The following DSG2 variants were observed in gnomAD, a reference collection of about 807,000 sequenced individuals.
DSG2 encodes the protein desmoglein-2.
DSG2 carries 45 observed loss-of-function variants against 75.6 expected under a neutral mutation model. The observed-to-expected ratio is 0.60, with a 90% confidence interval of 0.47 to 0.76. The LOEUF (loss-of-function observed/expected upper bound fraction) is 0.76. Ranked by LOEUF, DSG2 falls within the 30% of genes least tolerant of loss-of-function variation. The probability of loss-of-function intolerance (pLI) is 0.00; values close to 1 mark genes in which losing one functional copy is unlikely to be tolerated. For missense variants in DSG2, 1,267 were observed against 1,357.4 expected (o/e 0.93, Z 1.05); for synonymous variants, 429 against 483.9 (o/e 0.89, Z 1.49).
intron 6 of DSG2, among the ~76,000 whole-genome samples, chr18:31,523,973 A>C (rs2073144878): frequency 6.6e-6 from 1 of 152,210 alleles, no homozygotes; most frequent in African/African-American, 2.4e-5. Flanking sequence ...GAAGAGAAGA[A>C]GTGACATCTG....
At chr18:31,499,588 T>C (rs933627414) in intron 1 of DSG2, among the ~76,000 whole-genome samples, 1 of 152,190 alleles carries the variant, frequency 6.6e-6, no homozygotes, top group Non-Finnish European at 1.5e-5. Context: ...TAAGACGTGA[T>C]CTGGGACGTC....
intron 9 of DSG2, among the ~76,000 whole-genome samples, chr18:31,534,072 C>T (rs2073214221): frequency 6.7e-6 from 1 of 148,862 alleles, no homozygotes; most frequent in South Asian, 2.1e-4. Context: ...CTTACTGCAA[C>T]CTCTGCCTCC....
chr18:31,546,404 G>A lies in DSG2; in HGVS notation c.3018G>A (p.Gln1006=). The A allele has an allele frequency of 6.2e-7, 1 of 1,614,152 alleles. No homozygotes were observed. The highest frequency in any genetic ancestry group is 8.5e-7 in the Non-Finnish European group (1 of 1,180,026). ...GGGSNPLEGT[Q]HLQDVPYVMV... ...GATCGAATCCTCTGGAAGGCACTCA[G>A]CATCTTCAAGATGTACCTTACGTCA... The change falls in exon 15 of 15, where the codon CAG becomes CAA. Residue 1006 remains glutamine (Q), a synonymous_variant. Coordinates refer to ENST00000261590, the MANE Select transcript of DSG2 (RefSeq NM_001943.5).
chr18:31,502,962 C>T (rs2073021604), intron 1 of DSG2, among the ~76,000 whole-genome samples: 1 of 152,174 alleles, frequency 6.6e-6, no homozygotes, highest in South Asian at 2.1e-4. Context: ...TGATGAGAAA[C>T]TATCTTCTCA....
intron 8 of DSG2, 141 bp from the exon 9 acceptor site, chr18:31,530,844 TAA>T: frequency 1.4e-6 from 1 of 733,884 alleles, no homozygotes; most frequent in Non-Finnish European, 2.2e-6. Context: ...GGTGTCAGTA[TAA>T]GAGTTGGACT....
At chr18:31,538,498 C>G (rs2073245824) in intron 11 of DSG2, among the ~76,000 whole-genome samples, 1 of 152,122 alleles carries the variant, frequency 6.6e-6, no homozygotes. Flanking sequence ...CCTAGCTTTC[C>G]TAGACCCACA....
chr18:31,518,551 T>C (rs1425806843), intron 2 of DSG2, among the ~76,000 whole-genome samples: 1 of 152,164 alleles, frequency 6.6e-6, no homozygotes, highest in African/African-American at 2.4e-5. Flanking sequence ...AAATAAGATA[T>C]ATAGTGTAAG....
chr18:31,511,547 A>G (rs1172026223), intron 1 of DSG2, among the ~76,000 whole-genome samples: 1 of 152,236 alleles, frequency 6.6e-6, no homozygotes, highest in Admixed American at 6.5e-5. Context: ...CAGTTCCACA[A>G]TTGACAAAAT....
At chr18:31,534,357 C>G (rs1040133431) in intron 9 of DSG2, among the ~76,000 whole-genome samples, 23 of 152,254 alleles carry the variant, frequency 1.5e-4, no homozygotes, top group African/African-American at 5.5e-4. Flanking sequence ...TCCTTCCACA[C>G]TAATTCTCCT....
intron 1 of DSG2, among the ~76,000 whole-genome samples, chr18:31,512,686 G>A (rs538945722): frequency 5.3e-5 from 8 of 152,344 alleles, no homozygotes; most frequent in African/African-American, 1.9e-4. Flanking sequence ...TGGCCTGGGC[G>A]TTCCTTTTGC....
intron 1 of DSG2, among the ~76,000 whole-genome samples, chr18:31,506,762 G>A (rs927558937): frequency 6.6e-6 from 1 of 152,058 alleles, no homozygotes; most frequent in Non-Finnish European, 1.5e-5. Flanking sequence ...AGCATTTGTG[G>A]CCATTACAGA....
intron 10 of DSG2, among the ~76,000 whole-genome samples, chr18:31,535,787 C>T (rs569194713): frequency 6.7e-6 from 1 of 149,704 alleles, no homozygotes; most frequent in East Asian, 2.0e-4. Context: ...AAAACAAAAA[C>T]AAAAACCTAA....
chr18:31,545,727 G>A lies in DSG2; in HGVS notation c.2341G>A (p.Ala781Thr), dbSNP rs760402926. ...TGTTTTGTTTTCATTTTAGAAAGCG[G>A]CCTCTTACACTGAGGAAGATGAAAA... The part of the protein sequence containing the change: ...FLRNYFTDKA[A>T]SYTEEDENHT... Residue 781 changes from alanine (A) to threonine (T), a missense_variant, in exon 15 of 15, where the codon GCC (alanine) becomes ACC (threonine). Physicochemically the swap from Ala to Thr is moderately conservative, Grantham distance 58 (BLOSUM62 0). Transcript: ENST00000261590. 1.9e-6 allele frequency: 3 copies of A among 1,613,620 alleles called. No individual in the cohort carries two copies. Among genetic ancestry groups the A allele is most frequent in the Non-Finnish European group, 2.5e-6 (3 of 1,180,004 alleles).
At chr18:31,499,114 T>C (rs567333227) in intron 1 of DSG2, among the ~76,000 whole-genome samples, 2 of 152,212 alleles carry the variant, frequency 1.3e-5, no homozygotes, top group African/African-American at 4.8e-5. Flanking sequence ...TGCACGTATG[T>C]ATCTCGCTTA....
intron 11 of DSG2, among the ~76,000 whole-genome samples, chr18:31,538,455 T>G (rs1394517301): frequency 6.6e-6 from 1 of 152,196 alleles, no homozygotes; most frequent in Non-Finnish European, 1.5e-5. Flanking sequence ...TCACCACTTG[T>G]TTGTCACTGT....
chr18:31,514,368 CA>C (rs2073082560), intron 1 of DSG2, among the ~76,000 whole-genome samples: 1 of 152,090 alleles, frequency 6.6e-6, no homozygotes, highest in South Asian at 2.1e-4. Context: ...TATGGGTGTG[CA>C]TGTTACTATT....
At chr18:31,541,406 A>G (rs1350795464) in intron 13 of DSG2, 92 bp downstream of exon 13, 21 of 1,488,484 alleles carry the variant, frequency 1.4e-5, no homozygotes, top group Non-Finnish European at 1.9e-5. Flanking sequence ...TTGAGTGAGT[A>G]AAGTGATCAC....
chr18:31,532,202 G>A (rs772367387), intron 9 of DSG2, among the ~76,000 whole-genome samples: 7 of 152,180 alleles, frequency 4.6e-5, no homozygotes, highest in Non-Finnish European at 8.8e-5. Flanking sequence ...CAAGGCACCA[G>A]CCAACAGATT....
At chr18:31,542,976 T>C in intron 14 of DSG2, 124 bp downstream of exon 14, 5 of 843,516 alleles carry the variant, frequency 5.9e-6, no homozygotes, top group Non-Finnish European at 8.7e-6. Context: ...TTTTTTTTCT[T>C]TTTTCAGGGA....
Sources: gnomAD v4.1 joint callset for allele counts (sites outside exome capture counted in the v4.1 genomes callset) on GRCh38, gnomAD v4.1.1 for gene constraint, MANE v1.5 for transcripts, NCBI Gene and HGNC (gene_info 2026-07-23, HGNC 2026-07-21) for gene names.